The following ADGRE3 variants were observed in gnomAD, a reference collection of about 807,000 sequenced individuals.
The protein encoded by ADGRE3 is adhesion G protein-coupled receptor E3.
ADGRE3 carries 88 observed loss-of-function variants against 80.1 expected under a neutral mutation model. The ratio of observed to expected loss-of-function variants is 1.10; its 90% CI spans 0.93 to 1.31. The LOEUF (loss-of-function observed/expected upper bound fraction) is 1.31, where lower values mean the gene tolerates loss of function less well. Among genes scored for constraint, ADGRE3 ranks in the 40% most tolerant of loss-of-function variants. ADGRE3 has a pLI of 0.00. For missense variants in ADGRE3, 715 were observed against 776.5 expected, an observed-to-expected ratio of 0.92 and a Z score of 0.94; for synonymous variants, 281 against 294.8, an observed-to-expected ratio of 0.95 and a Z score of 0.48.
intron 8 of ADGRE3, among the ~76,000 whole-genome samples, chr19:14,645,175 A>AAAAAC (rs1446825527): frequency 6.6e-6 from 1 of 151,550 alleles, no homozygotes; most frequent in Non-Finnish European, 1.5e-5. Context: ...ATGGGAGGAA[A>AAAAAC]AAAACAAAAA....
chr19:14,620,461 T>TATATGTATATTC (rs1970522554), intron 15 of ADGRE3, among the ~76,000 whole-genome samples: 2 of 136,452 alleles, frequency 1.5e-5, no homozygotes, highest in African/African-American at 2.7e-5. Context: ...TATATGAATA[T>TATATGTATATTC]ATGAATATAT....
Position 14,619,311 on chromosome 19 carries a change from G to C in ADGRE3, c.*122C>G. 4 of 779,306 alleles carry C rather than the reference G, an allele frequency of 5.1e-6. No individual in the cohort carries two copies. Among genetic ancestry groups the C allele is most frequent in the Non-Finnish European group, 6.6e-6 (3 of 454,912 alleles). 48.3% of individuals were successfully genotyped at this position (779,306 alleles called of 1,614,324 possible). On this transcript the variant is annotated 3_prime_UTR_variant, in exon 16 of 16. Transcript: ENST00000253673. ...AGAACAAACAGCTTGGGAAGTAAAG[G>C]TTGATTACTTCCTCTCCAAGGATGA...
At chr19:14,627,996 T>C (rs10401810) in intron 14 of ADGRE3, among the ~76,000 whole-genome samples, 75,040 of 150,782 alleles carry the variant, frequency 0.5, 18,969 homozygotes, top group Non-Finnish European at 0.53. Flanking sequence ...GGTGTGGAGG[T>C]GTGCACCTGT....
intron 6 of ADGRE3, among the ~76,000 whole-genome samples, chr19:14,652,696 T>C (rs1273708277): frequency 6.7e-6 from 1 of 149,242 alleles, no homozygotes; most frequent in Non-Finnish European, 1.5e-5. Flanking sequence ...GAGAATTGCT[T>C]GAACCCAGGA....
At chr19:14,669,960 C>T (rs532777181) in intron 1 of ADGRE3, among the ~76,000 whole-genome samples, 11 of 152,180 alleles carry the variant, frequency 7.2e-5, no homozygotes, top group East Asian at 1.9e-4. Flanking sequence ...ATTACCTATT[C>T]GGTACAATGT....
chr19:14,672,890 G>C (rs1315508776), intron 1 of ADGRE3, among the ~76,000 whole-genome samples: 1 of 152,038 alleles, frequency 6.6e-6, no homozygotes, highest in Non-Finnish European at 1.5e-5. Context: ...TGGGATTATA[G>C]GTATGAGCCT....
intron 15 of ADGRE3, among the ~76,000 whole-genome samples, chr19:14,624,038 A>ATCC (rs1970668821): frequency 6.6e-6 from 1 of 150,606 alleles, no homozygotes; most frequent in Non-Finnish European, 1.5e-5. Context: ...GGCTCAAGCG[A>ATCC]TCCTCCCATC....
At chr19:14,650,592 T>C in intron 7 of ADGRE3, among the ~76,000 whole-genome samples, 1 of 144,960 alleles carries the variant, frequency 6.9e-6, no homozygotes. Context: ...CCACATCTGT[T>C]TCTCTCCATC....
At position 14,638,102 on chromosome 19, in the gene ADGRE3, C is replaced by A; in HGVS notation, c.1484+3G>T. 6.2e-7 allele frequency: 1 copy of A among 1,609,852 alleles called. No individual in the cohort carries two copies. The highest frequency in any genetic ancestry group is 8.5e-7 in the Non-Finnish European group (1 of 1,176,160). On this transcript the variant is annotated splice_donor_region_variant and intron_variant, in intron 11 of 15. Coordinates refer to ENST00000253673, the MANE Select transcript of ADGRE3 (RefSeq NM_032571.5). Reference sequence around the variant, plus strand: ...CATGACACAAGGTGGGATTCAAGCTCACCGATCAGCAGTTCCATAAAGGTG... The same window carrying A: ...CATGACACAAGGTGGGATTCAAGCTAACCGATCAGCAGTTCCATAAAGGTG...
At chr19:14,664,161 G>T (rs1212284225) in intron 2 of ADGRE3, among the ~76,000 whole-genome samples, 1 of 152,064 alleles carries the variant, frequency 6.6e-6, no homozygotes, top group African/African-American at 2.4e-5. Context: ...AAATTAGCCG[G>T]GTGTGGTGGC....
chr19:14,618,332 C>T (rs544716149), downstream of ADGRE3, among the ~76,000 whole-genome samples: 125 of 151,998 alleles, frequency 8.2e-4, 1 homozygote, highest in African/African-American at 2.9e-3. Flanking sequence ...GCAGGTGGAT[C>T]GCTGCTTGAG....
Position 14,625,231 on chromosome 19 carries a change from T to C in ADGRE3, c.1920+261A>G, listed in dbSNP as rs149597128. Reference sequence around the variant, plus strand: ...CTGACCTCAGGTGATGCACCCACCTTGGCCTCCCAAAATGCTGGGATTACA... The same window carrying C: ...CTGACCTCAGGTGATGCACCCACCTCGGCCTCCCAAAATGCTGGGATTACA... On this transcript the variant is annotated intron_variant, in intron 15 of 15. Coordinates refer to ENST00000253673, the MANE Select transcript of ADGRE3 (RefSeq NM_032571.5). 9.2e-3 allele frequency among the ~76,000 whole-genome samples: 1,403 copies of C among 152,214 alleles called. 18 individuals carry two copies. Among genetic ancestry groups the C allele is most frequent in the African/African-American group, 0.031 (1,298 of 41,520 alleles).
At chr19:14,671,068 T>C (rs1599658360) in intron 1 of ADGRE3, among the ~76,000 whole-genome samples, 1 of 152,186 alleles carries the variant, frequency 6.6e-6, no homozygotes, top group East Asian at 1.9e-4. Context: ...AGACCAATTG[T>C]AGGATTTTGG....
In ADGRE3 at chr19:14,663,418, C is replaced by T. The variant is rs200584143; in HGVS notation, c.199G>A (p.Asp67Asn). ...LFTFPLETCN[D>N]INECTPPYSV... Reference sequence around the variant, plus strand: ...ATAAAAAATAATAATACTTCTTTACCGTTACATGTCTCCAAGGGGAATGTG... The same window carrying T: ...ATAAAAAATAATAATACTTCTTTACTGTTACATGTCTCCAAGGGGAATGTG... Residue 67 changes from aspartate to asparagine, a missense_variant and splice_region_variant, in exon 3 of 16, where the codon GAC becomes AAC. Asp to Asn is a conservative substitution (Grantham distance 23). Transcript: ENST00000253673. The T allele has an allele frequency of 6.1e-5, 96 of 1,571,686 alleles. No individual in the cohort carries two copies. Among genetic ancestry groups the T allele is most frequent in the Middle Eastern group, 5.1e-4 (3 of 5,828 alleles).
At chr19:14,607,420 G>A in the ADGRE3 span, among the ~76,000 whole-genome samples, 1 of 151,670 alleles carries the variant, frequency 6.6e-6, no homozygotes, top group Admixed American at 6.6e-5. Context: ...AGCCAGGATG[G>A]TCTTGATCTC....
At chr19:14,607,532 C>G in the ADGRE3 span, among the ~76,000 whole-genome samples, 2 of 148,962 alleles carry the variant, frequency 1.3e-5, no homozygotes, top group Non-Finnish European at 3.0e-5. Context: ...TACAGCTCTA[C>G]TTGTTTTATT....
chr19:14,601,855 C>A, the ADGRE3 span, among the ~76,000 whole-genome samples: 6 of 152,106 alleles, frequency 3.9e-5, no homozygotes, highest in East Asian at 1.2e-3. Flanking sequence ...TGCAGTGGCG[C>A]GATCTCGGCT....
chr19:14,661,229 A>G lies in ADGRE3; in HGVS notation c.355+734T>C, dbSNP rs950864256. On this transcript the variant is annotated intron_variant, in intron 4 of 15. Transcript: ENST00000253673. The stretch of plus-strand genomic sequence containing the variant: ...AGTATTGGGATTACAGGCGTGAGCC[A>G]CCCCTCCCAGCCGGTGGTCATATTT... 2.0e-5 allele frequency among the ~76,000 whole-genome samples: 3 copies of G among 152,200 alleles called. No individual in the cohort carries two copies. In the South Asian group the frequency reaches 6.2e-4, roughly 32 times the overall value.
chr19:14,642,407 A>G (rs778246934), intron 9 of ADGRE3, among the ~76,000 whole-genome samples: 1 of 152,200 alleles, frequency 6.6e-6, no homozygotes, highest in Non-Finnish European at 1.5e-5. Flanking sequence ...CAGTTTGATC[A>G]GAGAGCTCAT....
Sources: allele counts gnomAD v4.1 joint callset (sites outside exome capture counted in the v4.1 genomes callset), GRCh38; gene constraint gnomAD v4.1.1; transcripts MANE v1.5; gene names NCBI Gene and HGNC (gene_info 2026-07-23, HGNC 2026-07-21).